The following TP53I13 variants were observed in gnomAD, a reference collection of about 807,000 sequenced individuals.
TP53I13 encodes the protein tumor protein p53 inducible protein 13.
Under a neutral mutation model 39.1 loss-of-function variants are expected in TP53I13, and 27 were observed. The ratio of observed to expected loss-of-function variants is 0.69; its 90% CI spans 0.51 to 0.95. The LOEUF is 0.95. Among genes scored for constraint, TP53I13 ranks in the 40% least tolerant of loss-of-function variants. TP53I13 has a pLI of 0.00. For missense variants in TP53I13, 544 were observed against 520.4 expected, an observed-to-expected ratio of 1.05 and a Z score of -0.44; for synonymous variants, 230 against 224.6, an observed-to-expected ratio of 1.02 and a Z score of -0.22.
the TP53I13 span, chr17:29,578,854 C>T: frequency 1.9e-6 from 3 of 1,565,638 alleles, no homozygotes; most frequent in East Asian, 4.5e-5. Context: ...CCAGCAACCT[C>T]CCCAACATGC....
At chr17:29,566,946 G>A (rs943355157), upstream of TP53I13, 17 of 1,412,856 alleles carry the variant, frequency 1.2e-5, no homozygotes, top group African/African-American at 1.5e-5. Flanking sequence ...TGAGCGCGAG[G>A]GCGGCGCCCC....
upstream of TP53I13, chr17:29,566,769 C>G (rs1232365896): frequency 1.3e-6 from 2 of 1,522,684 alleles, no homozygotes; most frequent in East Asian, 5.0e-5. Flanking sequence ...ACCCTCCCGG[C>G]AGTGGCTCGC....
At chr17:29,576,819 T>G (rs371649637), downstream of TP53I13, 26 of 1,577,000 alleles carry the variant, frequency 1.6e-5, no homozygotes, top group African/African-American at 3.1e-4. Flanking sequence ...AGCGAAGGCC[T>G]GGGTCAGGGC....
At chr17:29,577,751 G>A, downstream of TP53I13, 1 of 1,570,702 alleles carries the variant, frequency 6.4e-7, no homozygotes, top group Non-Finnish European at 8.8e-7. Context: ...CACTGTAGGG[G>A]ACGGACAGGA....
chr17:29,580,991 C>G, the TP53I13 span: 1 of 296,668 alleles, frequency 3.4e-6, no homozygotes, highest in Non-Finnish European at 6.6e-6. Context: ...GTTGGCCAGG[C>G]TAGTCTTGAA....
chr17:29,566,610 C>T (rs745401207), upstream of TP53I13: 20 of 1,608,870 alleles, frequency 1.2e-5, no homozygotes, highest in Non-Finnish European at 1.7e-5. Flanking sequence ...CCAGCTCAGG[C>T]CCAGGCGCTA....
rs761046376 is a variant in TP53I13, at chr17:29,568,983, G to A, written c.73-35G>A. ...GAGAGAGAGGGCAGGGCCTCGCCGC[G>A]TCCAGCGCCCCAACTCTTCGCTTTG... On this transcript the variant is annotated intron_variant, in intron 1 of 6. Coordinates refer to ENST00000301057, the MANE Select transcript of TP53I13 (RefSeq NM_138349.4). This position sits in a 1 kb window ranked among gnomAD's most constrained non-coding sequence, Gnocchi z 4.5. 4.4e-6 allele frequency: 7 copies of A among 1,596,064 alleles called. No individual in the cohort carries two copies. Among genetic ancestry groups the A allele is most frequent in the Non-Finnish European group, 5.1e-6 (6 of 1,172,710 alleles).
In TP53I13 at chr17:29,571,852, C is replaced by T. The variant is rs754960201; in HGVS notation, c.313-5C>T. ...CGTAGCTCTAACAGTTACCTCCTCTCGTAGCCCCTGGTGCTGACTGCATGG... is the reference window on the plus strand; with the variant it reads ...CGTAGCTCTAACAGTTACCTCCTCTTGTAGCCCCTGGTGCTGACTGCATGG... On this transcript the variant is annotated splice_region_variant and splice_polypyrimidine_tract_variant and intron_variant, in intron 4 of 6. Transcript: ENST00000301057. 2.0e-5 allele frequency: 32 copies of T among 1,613,178 alleles called. No individual in the cohort carries two copies. The highest frequency in any genetic ancestry group is 2.2e-5 in the South Asian group (2 of 91,080).
At chr17:29,568,662 G>GGC, upstream of TP53I13, 4 of 769,722 alleles carry the variant, frequency 5.2e-6, no homozygotes, top group Non-Finnish European at 6.0e-6. The surrounding 1 kb of genome is among the most constrained non-coding windows in gnomAD (Gnocchi z 4.5). Flanking sequence ...CGGGCGGCGC[G>GGC]GGCGGCGCGG....
At chr17:29,566,676 C>G (rs753855054), upstream of TP53I13, 1 of 1,596,364 alleles carries the variant, frequency 6.3e-7, no homozygotes, top group Non-Finnish European at 8.5e-7. Context: ...ACCAGGAGCG[C>G]GGGCCGGCCT....
At chr17:29,576,313 GGCCTGGCGATCCCTGCGGTGTGTGCTCCC>G, downstream of TP53I13, 2 of 1,613,086 alleles carry the variant, frequency 1.2e-6, no homozygotes, top group Non-Finnish European at 1.7e-6. Context: ...ACATGGAAAA[GGCCTGGCGATCCCTGCGGTGTGTGCTCCC>G]GCCTGGCGCC....
Position 29,569,009 on chromosome 17 carries a change from G to C in TP53I13, c.73-9G>C, listed in dbSNP as rs750338321. Reference sequence around the variant, plus strand: ...TCCAGCGCCCCAACTCTTCGCTTTGGACCCACAGGTGATGGCTGGACCGGC... The same window carrying C: ...TCCAGCGCCCCAACTCTTCGCTTTGCACCCACAGGTGATGGCTGGACCGGC... On this transcript the variant is annotated splice_polypyrimidine_tract_variant and intron_variant, in intron 1 of 6. Transcript: ENST00000301057. 3.7e-6 allele frequency: 6 copies of C among 1,608,552 alleles called. No homozygotes were observed. In the African/African-American group the frequency reaches 5.3e-5, roughly 14 times the overall value.
chr17:29,571,930 T>G lies in TP53I13; in HGVS notation c.386T>G (p.Leu129Arg). Residue 129 changes from leucine to arginine, a missense_variant, in exon 5 of 7, where the codon CTG becomes CGG. Leu to Arg is a moderately radical substitution (Grantham distance 102). Transcript: ENST00000301057. ...WVEPAWAAHW[L>R]MRRRRRKQRK... ...GAGCCAGCCTGGGCTGCCCACTGGC[T>G]GATGAGGAGGCGGAGGAGGAAGCAG... The G allele has an allele frequency of 6.2e-7, 1 of 1,613,162 alleles. No individual in the cohort carries two copies. Among genetic ancestry groups the G allele is most frequent in the African/African-American group, 1.3e-5 (1 of 75,042 alleles).
the TP53I13 span, chr17:29,578,504 T>C: frequency 1.1e-6 from 1 of 895,424 alleles, no homozygotes; most frequent in Non-Finnish European, 1.9e-6. Flanking sequence ...AGTCTCAGAA[T>C]GGGAAAGTGG....
upstream of TP53I13, chr17:29,566,554 T>G (rs369836670): frequency 7.5e-6 from 12 of 1,609,314 alleles, no homozygotes; most frequent in Non-Finnish European, 1.0e-5. Context: ...TACCACCCAG[T>G]CCAGGGCCAC....
At chr17:29,576,365 T>C (rs772683769), downstream of TP53I13, 1 of 1,613,316 alleles carries the variant, frequency 6.2e-7, no homozygotes, top group African/African-American at 1.3e-5. Flanking sequence ...GGGTGTGTGT[T>C]CCGCCCGTTC....
At chr17:29,581,670 G>C in the TP53I13 span, 3 of 1,162,938 alleles carry the variant, frequency 2.6e-6, no homozygotes, top group Non-Finnish European at 3.8e-6. This position sits in a 1 kb window ranked among gnomAD's most constrained non-coding sequence, Gnocchi z 4.8. Context: ...CTGCTGCCGG[G>C]TGCGTCCAGG....
rs955146966 is a variant in TP53I13, at chr17:29,571,682, C to G, written c.275C>G (p.Pro92Arg). 1 of 1,614,188 alleles carries G rather than the reference C, an allele frequency of 6.2e-7. No homozygotes were observed. The highest frequency in any genetic ancestry group is 1.7e-5 in the Admixed American group (1 of 60,030). The part of the protein sequence containing the change: ...ALLAYACMAN[P>R]SLTPDFSLTQ... ...CTGGCCTATGCTTGTATGGCTAACCCTTCCCTCACCCCTGACTTCAGCCTC... is the reference window on the plus strand; with the variant it reads ...CTGGCCTATGCTTGTATGGCTAACCGTTCCCTCACCCCTGACTTCAGCCTC... The change falls in exon 4 of 7, where the codon CCT (proline) becomes CGT (arginine). Residue 92 changes from proline to arginine, a missense_variant. Physicochemically the swap from Pro to Arg is moderately radical, Grantham distance 103. Coordinates refer to ENST00000301057, the MANE Select transcript of TP53I13 (RefSeq NM_138349.4).
chr17:29,575,149 G>A (rs372900000), downstream of TP53I13: 3 of 1,592,908 alleles, frequency 1.9e-6, no homozygotes, highest in Non-Finnish European at 2.6e-6. This position sits in a 1 kb window ranked among gnomAD's most constrained non-coding sequence, Gnocchi z 5.5. Context: ...GAAGCTGCGG[G>A]GAGAAGGGAG....
Sources: allele counts gnomAD v4.1 joint callset, GRCh38; gene constraint gnomAD v4.1.1; non-coding constraint Gnocchi (gnomAD v3.1); transcripts MANE v1.5; gene names NCBI Gene and HGNC (gene_info 2026-07-23, HGNC 2026-07-21).